The following ZNF565 variants were observed in gnomAD, a reference collection of about 807,000 sequenced individuals.
ZNF565 encodes the protein zinc finger protein 565.
In ZNF565, 27 loss-of-function variants were observed where a neutral mutation model predicts 39.4. The observed-to-expected ratio is 0.69, with a 90% CI of 0.51 to 0.95. ZNF565 has a LOEUF of 0.95. ZNF565 is among the 40% of genes least tolerant of loss of function. The probability of loss-of-function intolerance (pLI) is 0.00; values close to 1 mark genes in which losing one functional copy is unlikely to be tolerated. For synonymous variants in ZNF565, 185 were observed against 216.6 expected, an observed-to-expected ratio of 0.85 and a Z score of 1.28; for missense variants, 524 against 621.1, an observed-to-expected ratio of 0.84 and a Z score of 1.66.
Position 36,183,269 on chromosome 19 carries a change from C to A in ZNF565, c.697G>T (p.Gly233Cys), listed in dbSNP as rs2145289817. The change falls in exon 5 of 5, where the codon GGT (glycine) becomes TGT (cysteine). Residue 233 changes from glycine to cysteine, a missense_variant. Gly to Cys is a radical substitution (Grantham distance 159, BLOSUM62 -3). Transcript: ENST00000304116. ...TGTAGAATAAGTTCTGATGTACGACCAAAGGCCTTCCCACAGTCCTTACAG... is the reference window on the plus strand; with the variant it reads ...TGTAGAATAAGTTCTGATGTACGACAAAAGGCCTTCCCACAGTCCTTACAG... ...YDCKDCGKAF[G>C]RTSELILHQR... 1 of 1,613,166 alleles carries A rather than the reference C, an allele frequency of 6.2e-7. No homozygotes were observed. Among genetic ancestry groups the A allele is most frequent in the East Asian group, 2.2e-5 (1 of 44,754 alleles).
chr19:36,194,147 G>A, intron 4 of ZNF565, 86 bp downstream of exon 4: 1 of 1,117,896 alleles, frequency 8.9e-7, no homozygotes, highest in Non-Finnish European at 1.3e-6. Flanking sequence ...GTAGGGCTTT[G>A]AGGGAACTTC....
chr19:36,206,151 G>A (rs1352690804), intron 1 of ZNF565, among the ~76,000 whole-genome samples: 1 of 151,932 alleles, frequency 6.6e-6, no homozygotes, highest in African/African-American at 2.4e-5. Context: ...TTGTAGAGAC[G>A]GGGACTCGTC....
intron 2 of ZNF565, among the ~76,000 whole-genome samples, chr19:36,195,419 T>TCTTAGAAATC (rs1314837832): frequency 6.6e-6 from 1 of 150,768 alleles, no homozygotes; most frequent in Non-Finnish European, 1.5e-5. Context: ...CAACAGATTA[T>TCTTAGAAATC]CAACAACTTC....
intron 1 of ZNF565, among the ~76,000 whole-genome samples, chr19:36,227,717 G>C (rs367943270): frequency 2.0e-5 from 3 of 152,246 alleles, no homozygotes; most frequent in South Asian, 4.1e-4. Flanking sequence ...ATTGCGCCCA[G>C]CTAATTTTGT....
intron 4 of ZNF565, among the ~76,000 whole-genome samples, chr19:36,190,590 TAAA>T (rs74410395): frequency 1.5e-5 from 2 of 132,654 alleles, no homozygotes; most frequent in Non-Finnish European, 3.3e-5. Context: ...AAAAAAAAAT[TAAA>T]AAAAAAAAAA....
At chr19:36,222,487 A>T (rs1297239662) in intron 1 of ZNF565, among the ~76,000 whole-genome samples, 4 of 152,100 alleles carry the variant, frequency 2.6e-5, no homozygotes, top group Admixed American at 2.6e-4. Context: ...AAGTACTTAC[A>T]CTCCCACAAG....
intron 1 of ZNF565, chr19:36,235,765 G>C (rs994683937): frequency 6.6e-6 from 1 of 152,208 alleles, no homozygotes; most frequent in African/African-American, 2.4e-5. Context: ...GAGAAAAAGA[G>C]CGTTGAATAT....
chr19:36,239,572 T>A (rs1231767664), intron 1 of ZNF565, among the ~76,000 whole-genome samples: 1 of 152,192 alleles, frequency 6.6e-6, no homozygotes, highest in African/African-American at 2.4e-5. Flanking sequence ...TGATTCTCCA[T>A]GGCCTGTTCA....
chr19:36,222,075 A>G (rs1179565024), intron 1 of ZNF565, among the ~76,000 whole-genome samples: 1 of 150,938 alleles, frequency 6.6e-6, no homozygotes, highest in Non-Finnish European at 1.5e-5. Flanking sequence ...GACCACAGGC[A>G]CACTCCACCA....
At chr19:36,240,950 C>G (rs1229928323) in intron 1 of ZNF565, among the ~76,000 whole-genome samples, 4 of 152,166 alleles carry the variant, frequency 2.6e-5, no homozygotes, top group Middle Eastern at 3.2e-3. Flanking sequence ...AAGTTTTGTC[C>G]CCACTTGCTG....
At chr19:36,192,229 C>T (rs1030011434) in intron 4 of ZNF565, among the ~76,000 whole-genome samples, 2 of 151,474 alleles carry the variant, frequency 1.3e-5, no homozygotes, top group Non-Finnish European at 2.9e-5. Context: ...CCTTGTGATT[C>T]GCCCGCCTTG....
At chr19:36,231,497 C>A (rs1977369808) in intron 1 of ZNF565, among the ~76,000 whole-genome samples, 1 of 152,322 alleles carries the variant, frequency 6.6e-6, no homozygotes, top group South Asian at 2.1e-4. Context: ...GCGGGAGCCA[C>A]TACACCTGGA....
At chr19:36,191,218 CACAGGG>C (rs1975527758) in intron 4 of ZNF565, among the ~76,000 whole-genome samples, 4 of 150,662 alleles carry the variant, frequency 2.7e-5, no homozygotes, top group Admixed American at 2.0e-4. Context: ...TGGTCTAGGG[CACAGGG>C]AAGTAAAAGA....
rs377568246 is a variant in ZNF565 at position 36,191,976 on chromosome 19, T to G, written c.232+2257A>C. ...GGGAGAAACAAGACAGGCCCTATCT[T>G]ACCAAGTGATCAAACTGAACAGCAC... is the stretch of plus-strand genomic sequence containing the variant. On this transcript the variant is annotated intron_variant, in intron 4 of 4. Coordinates refer to ENST00000304116, the MANE Select transcript of ZNF565 (RefSeq NM_152477.5). Among the ~76,000 whole-genome samples, 4 of 151,918 alleles carry G rather than the reference T, an allele frequency of 2.6e-5. No homozygotes were observed. In the South Asian group the frequency reaches 8.3e-4, roughly 32 times the overall value.
At chr19:36,194,900 T>G in intron 3 of ZNF565, 130 bp downstream of exon 3, 1 of 1,413,970 alleles carries the variant, frequency 7.1e-7, no homozygotes, top group South Asian at 1.2e-5. Flanking sequence ...TCTCTATGGC[T>G]GTAGTTTGTA....
In ZNF565 at chr19:36,202,070, G is replaced by GC. The variant is rs1568419497; in HGVS notation, c.-65-21_-65-20insG. ...AGAGTCCTGAAAAAGCAAAATGGGG[G>GC]GAGATGGGGTAACCTCTGATAAACT... On this transcript the variant is annotated intron_variant, in intron 1 of 4. Coordinates refer to ENST00000304116, the MANE Select transcript of ZNF565 (RefSeq NM_152477.5). 1 of 1,420,712 alleles carries GC rather than the reference G, an allele frequency of 7.0e-7. No individual in the cohort carries two copies. The highest frequency in any genetic ancestry group is 9.9e-7 in the Non-Finnish European group (1 of 1,005,230). The allele number at this position is 1,420,712 out of a possible 1,614,324, so 88.0% of individuals were successfully genotyped here.
chr19:36,187,334 ATTTATT>A (rs1412881112), intron 4 of ZNF565, among the ~76,000 whole-genome samples: 1 of 151,510 alleles, frequency 6.6e-6, no homozygotes, highest in East Asian at 1.9e-4. Context: ...TAATATATAT[ATTTATT>A]TTTATTTATT....
intron 1 of ZNF565, among the ~76,000 whole-genome samples, chr19:36,243,050 T>C (rs556268182): frequency 6.6e-6 from 1 of 152,298 alleles, no homozygotes; most frequent in South Asian, 2.1e-4. Context: ...TGTTTGTTTT[T>C]GAGGCAGAAT....
chr19:36,223,087 A>T (rs1008289879), intron 1 of ZNF565, among the ~76,000 whole-genome samples: 1 of 151,474 alleles, frequency 6.6e-6, no homozygotes, highest in South Asian at 2.1e-4. Flanking sequence ...GACTACAGGC[A>T]GTGCACCACC....
Sources: allele counts gnomAD v4.1 joint callset (sites outside exome capture counted in the v4.1 genomes callset), GRCh38; gene constraint gnomAD v4.1.1; transcripts MANE v1.5; gene names NCBI Gene and HGNC (gene_info 2026-07-23, HGNC 2026-07-21).